The following ROBO1 variants were observed in gnomAD, a reference collection of about 807,000 sequenced individuals.
ROBO1 encodes roundabout homolog 1.
A neutral mutation model predicts 195.9 loss-of-function variants in ROBO1; 149 were observed. The observed-to-expected ratio is 0.76, with a 90% CI of 0.67 to 0.87. The LOEUF (loss-of-function observed/expected upper bound fraction) is 0.87. ROBO1 is among the 40% of genes least tolerant of loss of function. The pLI is 0.00. For synonymous variants in ROBO1, 816 were observed against 733.2 expected, an observed-to-expected ratio of 1.11 and a Z score of -1.82; for missense variants, 1,933 against 2,068.3, an observed-to-expected ratio of 0.93 and a Z score of 1.27.
intron 8 of ROBO1, among the ~76,000 whole-genome samples, chr3:78,708,706 G>A (rs746258114): frequency 2.0e-5 from 3 of 152,104 alleles, no homozygotes; most frequent in Non-Finnish European, 4.4e-5. Flanking sequence ...GTGGCAGGGT[G>A]CCTCTATGCA....
intron 1 of ROBO1, among the ~76,000 whole-genome samples, chr3:79,668,720 GAA>G (rs1946544991): frequency 6.6e-6 from 1 of 151,704 alleles, no homozygotes; most frequent in African/African-American, 2.4e-5. Context: ...TATAAAGAGA[GAA>G]ATGCTCAACA....
intron 5 of ROBO1, among the ~76,000 whole-genome samples, chr3:78,738,201 A>G (rs1301780801): frequency 6.6e-6 from 1 of 152,124 alleles, no homozygotes; most frequent in Admixed American, 6.6e-5. Context: ...AAGGATCTGA[A>G]GGGCACTGGG....
At chr3:79,696,268 C>T (rs934144617) in intron 1 of ROBO1, among the ~76,000 whole-genome samples, 9 of 151,192 alleles carry the variant, frequency 6.0e-5, no homozygotes, top group African/African-American at 1.7e-4. Context: ...TTCTGGATTC[C>T]GTTACTTTTC....
chr3:78,620,870 A>G (rs1423978060), intron 26 of ROBO1, among the ~76,000 whole-genome samples: 1 of 73,728 alleles, frequency 1.4e-5, no homozygotes, highest in Non-Finnish European at 2.8e-5. Flanking sequence ...GTGTAAATAT[A>G]TTATATATAT....
intron 3 of ROBO1, among the ~76,000 whole-genome samples, chr3:79,072,108 A>G (rs1298809947): frequency 6.6e-6 from 1 of 151,892 alleles, no homozygotes; most frequent in Non-Finnish European, 1.5e-5. Context: ...TACAAATTTT[A>G]TTTAGAAATG....
In ROBO1 at chr3:78,635,834, C is replaced by T; in HGVS notation, c.3312G>A (p.Gln1104=). 1.2e-6 allele frequency: 2 copies of T among 1,613,870 alleles called. No homozygotes were observed. Among genetic ancestry groups the T allele is most frequent in the Non-Finnish European group, 1.7e-6 (2 of 1,179,828 alleles). The change falls in exon 23 of 31, where the codon CAG becomes CAA. Residue 1104 remains glutamine, a synonymous_variant. Coordinates refer to ENST00000464233, the MANE Select transcript of ROBO1 (RefSeq NM_002941.4). The part of the protein sequence containing the change: ...SGEKHWKPLG[Q]QKQEVAPVQY... ...GAACTGGTGCCACTTCTTGTTTCTG[C>T]TGTCCCAGTGGTTTCCAGTGCTTCT...
At chr3:79,538,708 C>T (rs906486678) in intron 2 of ROBO1, among the ~76,000 whole-genome samples, 6 of 152,088 alleles carry the variant, frequency 3.9e-5, no homozygotes, top group African/African-American at 1.4e-4. Context: ...CTATATTTTC[C>T]TACTGCTGTT....
Position 78,668,491 on chromosome 3 carries a change from T to C in ROBO1, c.1623A>G (p.Glu541=). Residue 541 remains glutamate, a synonymous_variant, in exon 12 of 31, where the codon GAA becomes GAG. Coordinates refer to ENST00000464233, the MANE Select transcript of ROBO1 (RefSeq NM_002941.4). ...ACACACCATTTACTTTACCTTGAAC[T>C]TCAATGTAAGCACTCCATGTTGCTT... ...SGEATWSAYI[E]VQEFGVPVQP... 1.2e-6 allele frequency: 2 copies of C among 1,613,862 alleles called. No homozygotes were observed. The highest frequency in any genetic ancestry group is 1.7e-6 in the Non-Finnish European group (2 of 1,179,806).
At chr3:79,307,301 T>C (rs2033267241) in intron 2 of ROBO1, among the ~76,000 whole-genome samples, 1 of 152,158 alleles carries the variant, frequency 6.6e-6, no homozygotes, top group Non-Finnish European at 1.5e-5. Flanking sequence ...CTTTTCTTTT[T>C]TTTTAATGAA....
chr3:79,137,092 G>A (rs531888408), intron 2 of ROBO1, among the ~76,000 whole-genome samples: 2 of 151,962 alleles, frequency 1.3e-5, no homozygotes, highest in Non-Finnish European at 2.9e-5. Context: ...GTTTCTTTAC[G>A]TTTCTTTCAA....
chr3:79,707,330 AC>A (rs1229767400), intron 1 of ROBO1, among the ~76,000 whole-genome samples: 8 of 151,974 alleles, frequency 5.3e-5, no homozygotes, highest in African/African-American at 1.9e-4. Flanking sequence ...TCTCCACAGG[AC>A]CCAGAGTTAT....
chr3:78,612,757 C>T (rs1384449243), intron 28 of ROBO1, among the ~76,000 whole-genome samples: 1 of 152,158 alleles, frequency 6.6e-6, no homozygotes, highest in Non-Finnish European at 1.5e-5. Flanking sequence ...TTAGTCATTT[C>T]TCCATTTTAT....
chr3:78,681,476 C>T (rs2080906266), intron 10 of ROBO1, among the ~76,000 whole-genome samples: 2 of 152,096 alleles, frequency 1.3e-5, no homozygotes, highest in Admixed American at 1.3e-4. Context: ...ATAAACAGAA[C>T]ACAAAAACGT....
intron 2 of ROBO1, among the ~76,000 whole-genome samples, chr3:79,338,500 G>A (rs769682952): frequency 7.2e-5 from 11 of 152,026 alleles, no homozygotes; most frequent in African/African-American, 2.2e-4. Context: ...TCTATAGTTC[G>A]TAATTGTGGC....
chr3:79,397,271 C>A (rs1252065116), intron 2 of ROBO1, among the ~76,000 whole-genome samples: 5 of 150,884 alleles, frequency 3.3e-5, no homozygotes, highest in African/African-American at 1.2e-4. Context: ...TATATATATG[C>A]TGTTTTCTAT....
At chr3:79,071,260 T>C (rs2079083206) in intron 3 of ROBO1, among the ~76,000 whole-genome samples, 1 of 151,912 alleles carries the variant, frequency 6.6e-6, no homozygotes, top group Non-Finnish European at 1.5e-5. Context: ...ATCCAAACAT[T>C]TGATTTGTTT....
chr3:79,587,869 G>T (rs1005771331), intron 2 of ROBO1, among the ~76,000 whole-genome samples: 2 of 151,882 alleles, frequency 1.3e-5, no homozygotes, highest in Admixed American at 1.3e-4. Context: ...GATGGAGGCA[G>T]TTATGAAAAT....
At chr3:78,693,250 G>C in intron 8 of ROBO1, 1 of 1,492,268 alleles carries the variant, frequency 6.7e-7, no homozygotes, top group Non-Finnish European at 9.0e-7. Flanking sequence ...GAGGCTGATT[G>C]GTTGAAGGAC....
At chr3:78,821,209 A>G (rs1357742747) in intron 4 of ROBO1, among the ~76,000 whole-genome samples, 1 of 135,352 alleles carries the variant, frequency 7.4e-6, no homozygotes, top group Admixed American at 8.5e-5. Flanking sequence ...TCTGTCACCC[A>G]GGCTGGAGTA....
Sources: gnomAD v4.1 joint callset for allele counts (sites outside exome capture counted in the v4.1 genomes callset) on GRCh38, gnomAD v4.1.1 for gene constraint, MANE v1.5 for transcripts, NCBI Gene and HGNC (gene_info 2026-07-23, HGNC 2026-07-21) for gene names.